MOV10L1: variants seen among roughly 807,000 people sequenced by gnomAD.
The protein encoded by MOV10L1 is RNA helicase Mov10l1.
Under a neutral mutation model 143.8 loss-of-function variants are expected in MOV10L1, and 110 were observed. The observed-to-expected ratio is 0.76, with a 90% CI of 0.66 to 0.90. The LOEUF (loss-of-function observed/expected upper bound fraction) is 0.90, where lower values mean the gene tolerates loss of function less well. Among genes scored for constraint, MOV10L1 ranks in the 40% least tolerant of loss-of-function variants. MOV10L1 has a pLI of 0.00. For missense variants in MOV10L1, 1,406 were observed against 1,526.8 expected (o/e 0.92, Z 1.32); for synonymous variants, 593 against 581.1 (o/e 1.02, Z -0.29).
At chr22:50,092,316 T>A (rs919207211) in intron 2 of MOV10L1, 131 bp downstream of exon 2, 1 of 788,330 alleles carries the variant, frequency 1.3e-6, no homozygotes, top group Non-Finnish European at 2.0e-6. Context: ...AAGGGGATGC[T>A]TTTGCTCTTT....
chr22:50,131,137 T>C (rs905781429), intron 13 of MOV10L1, among the ~76,000 whole-genome samples: 4 of 151,414 alleles, frequency 2.6e-5, no homozygotes, highest in African/African-American at 9.7e-5. Context: ...CTCAATCTCC[T>C]GACCTTGTGA....
At chr22:50,117,088 A>G in intron 8 of MOV10L1, 69 bp from the exon 9 acceptor site, 1 of 1,456,572 alleles carries the variant, frequency 6.9e-7, no homozygotes, top group Non-Finnish European at 9.3e-7. Flanking sequence ...TTGTATGTAC[A>G]AAGGAAAATT....
chr22:50,114,976 C>A lies in MOV10L1; in HGVS notation c.1127-138C>A, dbSNP rs536104125. On this transcript the variant is annotated intron_variant, in intron 7 of 26. Coordinates refer to ENST00000262794, the MANE Select transcript of MOV10L1 (RefSeq NM_018995.3). Reference sequence around the variant, plus strand: ...TCTCTTTATGTTTTTCCAGCCACCACCTGAGGCTTTGCCCCGTGTTTTTGT... The same window carrying A: ...TCTCTTTATGTTTTTCCAGCCACCAACTGAGGCTTTGCCCCGTGTTTTTGT... 2.0e-5 allele frequency: 19 copies of A among 954,424 alleles called. No homozygotes were observed. The African/African-American group carries it at 2.8e-4, about 14-fold the overall frequency. 59.1% of individuals were successfully genotyped at this position (954,424 alleles called of 1,614,324 possible).
At chr22:50,138,166 CT>C (rs1739927407) in intron 15 of MOV10L1, among the ~76,000 whole-genome samples, 1 of 152,110 alleles carries the variant, frequency 6.6e-6, no homozygotes, top group Non-Finnish European at 1.5e-5. Context: ...ACTGAATGTT[CT>C]TTGCTTGTAA....
chr22:50,133,452 TC>T (rs1288797763), intron 13 of MOV10L1, among the ~76,000 whole-genome samples: 15 of 128,160 alleles, frequency 1.2e-4, no homozygotes, highest in Non-Finnish European at 2.4e-4. Context: ...GAGCAGAGTC[TC>T]TAAAAAAAAA....
intron 1 of MOV10L1, chr22:50,090,740 A>C: frequency 3.7e-6 from 2 of 546,446 alleles, no homozygotes; most frequent in Non-Finnish European, 3.3e-6. Context: ...GCAGTGGCGC[A>C]ATCTCGGCTC....
chr22:50,153,019 T>C (rs761200467), intron 21 of MOV10L1, 26 bp from the exon 22 acceptor site: 2 of 1,577,792 alleles, frequency 1.3e-6, no homozygotes, highest in African/African-American at 2.7e-5. Context: ...ACCTTCCCCT[T>C]GTGACCCATC....
At chr22:50,096,545 A>G (rs2062593172) in intron 2 of MOV10L1, 2 of 152,256 alleles carry the variant, frequency 1.3e-5, no homozygotes, top group South Asian at 2.1e-4. Context: ...CTTTGTGAGG[A>G]ACCAGATGTT....
intron 8 of MOV10L1, 72 bp from the exon 9 acceptor site, chr22:50,117,085 T>A: frequency 7.0e-7 from 1 of 1,437,682 alleles, no homozygotes; most frequent in Non-Finnish European, 9.5e-7. Context: ...TTCTTGTATG[T>A]ACAAAGGAAA....
At position 50,092,072 on chromosome 22, in the gene MOV10L1, A is replaced by T. The variant is rs9617066; in HGVS notation, c.169A>T (p.Met57Leu). 388,338 of 1,613,814 alleles carry T rather than the reference A, an allele frequency of 0.24. 48,359 individuals carry two copies. The highest frequency in any genetic ancestry group is 0.39 in the Admixed American group (23,491 of 60,000). The change falls in exon 2 of 27, where the codon ATG (methionine) becomes TTG (leucine). Residue 57 changes from methionine to leucine, a missense_variant. By Grantham distance (15) the Met-to-Leu change is conservative. Transcript: ENST00000262794. ...CAGCGATTATGGCATGATTGATGAT[A>T]TGATCTACTTCTCCAGTGATGCTGT... ...YCSDYGMIDDMIYFSSDAVTS... is the reference protein window; with the variant it reads ...YCSDYGMIDDLIYFSSDAVTS...
chr22:50,113,117 G>A (rs538487045), intron 5 of MOV10L1, among the ~76,000 whole-genome samples: 1 of 152,316 alleles, frequency 6.6e-6, no homozygotes, highest in South Asian at 2.1e-4. Context: ...CAAGCCTGTA[G>A]CATCAGTAGA....
At chr22:50,135,241 T>C (rs931978590) in intron 15 of MOV10L1, among the ~76,000 whole-genome samples, 1 of 151,912 alleles carries the variant, frequency 6.6e-6, no homozygotes, top group Non-Finnish European at 1.5e-5. Context: ...CTCGATCTCC[T>C]GATCTTGTGA....
rs756494636 is a variant in MOV10L1 at position 50,114,577 on chromosome 22, C to G, written c.1081C>G (p.Gln361Glu). The G allele has an allele frequency of 1.9e-6, 3 of 1,614,056 alleles. No homozygotes were observed. The highest frequency in any genetic ancestry group is 2.5e-6 in the Non-Finnish European group (3 of 1,180,046). The change falls in exon 7 of 27, where the codon CAG (glutamine) becomes GAG (glutamate). Residue 361 changes from glutamine (Q) to glutamate (E), a missense_variant. Around this residue, in one of 3 missense-constraint regions of MOV10L1, gnomAD observed 1,233 missense variants for 1,351.4 expected, o/e 0.91. Coordinates refer to ENST00000262794, the MANE Select transcript of MOV10L1 (RefSeq NM_018995.3). Reference sequence around the variant, plus strand: ...TAGCCACACAAAAAACAAAACCTCTCAGATGTCGGAGAGCAGTTTGGTGAA... The same window carrying G: ...TAGCCACACAAAAAACAAAACCTCTGAGATGTCGGAGAGCAGTTTGGTGAA... ...LNSHTKNKTS[Q>E]MSESSLVNNR...
At position 50,159,674 on chromosome 22, in the gene MOV10L1, C is replaced by G; in HGVS notation, c.3217-4C>G. 1.3e-6 allele frequency: 2 copies of G among 1,581,702 alleles called. No individual in the cohort carries two copies. The highest frequency in any genetic ancestry group is 1.7e-6 in the Non-Finnish European group (2 of 1,152,148). The stretch of plus-strand genomic sequence containing the variant: ...TTTAGTCTTTCTTTTAATCTGTTCT[C>G]AAGGTGGAGAAAATCAGAATTCTTT... On this transcript the variant is annotated splice_polypyrimidine_tract_variant and splice_region_variant and intron_variant, in intron 23 of 26. Coordinates refer to ENST00000262794, the MANE Select transcript of MOV10L1 (RefSeq NM_018995.3). The surrounding 1 kb of genome is among the most constrained non-coding windows in gnomAD (Gnocchi z 4.1).
At chr22:50,155,347 G>A (rs760948849) in intron 22 of MOV10L1, among the ~76,000 whole-genome samples, 13 of 149,358 alleles carry the variant, frequency 8.7e-5, no homozygotes, top group South Asian at 4.3e-4. Context: ...TGCAACCTCC[G>A]CCTTCCAGGT....
intron 2 of MOV10L1, 130 bp downstream of exon 2, chr22:50,092,315 C>A: frequency 1.3e-6 from 1 of 786,984 alleles, no homozygotes; most frequent in Non-Finnish European, 2.0e-6. Context: ...CAAGGGGATG[C>A]TTTTGCTCTT....
chr22:50,132,105 C>T (rs537981173), intron 13 of MOV10L1, among the ~76,000 whole-genome samples: 2 of 152,326 alleles, frequency 1.3e-5, no homozygotes, highest in South Asian at 2.1e-4. Context: ...CCCTCATGAC[C>T]TAATCACTTG....
rs560651775 is a variant in MOV10L1 at position 50,103,424 on chromosome 22, C to T, written c.442+3822C>T. The stretch of plus-strand genomic sequence containing the variant: ...TGGACATTTAGCTGAAGCACAGTTT[C>T]TCATCCTCAGCGCTCCAACATCTAG... On this transcript the variant is annotated intron_variant, in intron 3 of 26. Transcript: ENST00000262794. 1.3e-5 allele frequency among the ~76,000 whole-genome samples: 2 copies of T among 152,322 alleles called. 1 individual carries two copies. Among genetic ancestry groups the T allele is most frequent in the Non-Finnish European group, 2.9e-5 (2 of 68,036 alleles).
intron 10 of MOV10L1, among the ~76,000 whole-genome samples, chr22:50,120,848 C>A (rs2062320352): frequency 6.6e-6 from 1 of 152,240 alleles, no homozygotes. Flanking sequence ...CACTGGGGGT[C>A]ACGCACAGGG....
Sources: allele counts gnomAD v4.1 joint callset (sites outside exome capture counted in the v4.1 genomes callset), GRCh38; gene constraint gnomAD v4.1.1; regional missense constraint gnomAD v4.1.1; non-coding constraint Gnocchi (gnomAD v3.1); transcripts MANE v1.5; gene names NCBI Gene and HGNC (gene_info 2026-07-23, HGNC 2026-07-21).